Variants in DCAF4 observed in about 807,000 individuals in gnomAD.
DCAF4 encodes the protein DDB1 and CUL4 associated factor 4.
Under a neutral mutation model 60.9 loss-of-function variants are expected in DCAF4, and 37 were observed. That is an observed-to-expected ratio of 0.61 (90% CI 0.47 to 0.80). DCAF4 has a LOEUF of 0.80. Among genes scored for constraint, DCAF4 ranks in the 30% least tolerant of loss-of-function variants. DCAF4 has a pLI of 0.00. For synonymous variants in DCAF4, 243 were observed against 254.8 expected (o/e 0.95, Z 0.44); for missense variants, 577 against 650.0 (o/e 0.89, Z 1.22).
In DCAF4 at chr14:72,959,022, A is replaced by ATAAAAGGTACCTCTTTCCTTTTCT; in HGVS notation, c.*220_*243dup. 8.1e-7 allele frequency: 1 copy of ATAAAAGGTACCTCTTTCCTTTTCT among 1,240,468 alleles called. No individual in the cohort carries two copies. Among genetic ancestry groups the ATAAAAGGTACCTCTTTCCTTTTCT allele is most frequent in the Non-Finnish European group, 1.0e-6 (1 of 992,294 alleles). The allele number at this position is 1,240,468 out of a possible 1,614,324, so 76.8% of individuals were successfully genotyped here. On this transcript the variant is annotated 3_prime_UTR_variant, in exon 14 of 14. Transcript: ENST00000358377. ...CTGAGAGAGCTTGGAAGTCCTTTTC[A>ATAAAAGGTACCTCTTTCCTTTTCT]TAAAAGGTACCTCTTTCCTTTTCTT...
At chr14:72,929,567 C>T (rs746826984) in intron 1 of DCAF4, 30 of 855,712 alleles carry the variant, frequency 3.5e-5, no homozygotes, top group Non-Finnish European at 5.4e-5. Context: ...TTTTATTTTT[C>T]CGTCAAGCTG....
At chr14:72,949,892 GGA>G (rs1891201924) in intron 8 of DCAF4, among the ~76,000 whole-genome samples, 1 of 152,344 alleles carries the variant, frequency 6.6e-6, no homozygotes, top group Non-Finnish European at 1.5e-5. Context: ...GCAGTTGCAA[GGA>G]GATAGAGACA....
Position 72,943,047 on chromosome 14 carries a change from G to A in DCAF4, c.485G>A (p.Arg162Gln), listed in dbSNP as rs200407119. 1.5e-4 allele frequency: 245 copies of A among 1,614,060 alleles called. No individual in the cohort carries two copies. The highest frequency in any genetic ancestry group is 1.9e-4 in the Non-Finnish European group (228 of 1,180,032). Reference sequence around the variant, plus strand: ...ATGGAGAGGAAAAAGGTCCAGATTCGAAGCATGGATCCCTCCGCCTTGGCA... The same window carrying A: ...ATGGAGAGGAAAAAGGTCCAGATTCAAAGCATGGATCCCTCCGCCTTGGCA... ...SCMERKKVQI[R>Q]SMDPSALASD... Residue 162 changes from arginine (R) to glutamine (Q), a missense_variant, in exon 6 of 14, where the codon CGA (arginine) becomes CAA (glutamine). By Grantham distance (43) the Arg-to-Gln change is conservative. Coordinates refer to ENST00000358377, the MANE Select transcript of DCAF4 (RefSeq NM_015604.4).
intron 9 of DCAF4, among the ~76,000 whole-genome samples, chr14:72,952,654 C>T (rs1386213664): frequency 6.6e-6 from 1 of 151,142 alleles, no homozygotes; most frequent in Non-Finnish European, 1.5e-5. Flanking sequence ...GTGAGGGAGG[C>T]CTCTGGGGTA....
intron 1 of DCAF4, among the ~76,000 whole-genome samples, chr14:72,935,443 C>T (rs11627982): frequency 0.19 from 29,170 of 152,140 alleles, 3,619 homozygotes; most frequent in East Asian, 0.43. Flanking sequence ...TTAGTAGAGA[C>T]GGGGTTTCAC....
intron 13 of DCAF4, 82 bp downstream of exon 13, chr14:72,956,582 G>GA: frequency 7.3e-7 from 1 of 1,371,174 alleles, no homozygotes; most frequent in Non-Finnish European, 1.0e-6. Flanking sequence ...GCAGCAGAGG[G>GA]AAAAGTTACC....
chr14:72,952,972 T>A (rs7141910), intron 9 of DCAF4, among the ~76,000 whole-genome samples: 1 of 134,536 alleles, frequency 7.4e-6, no homozygotes, highest in East Asian at 2.2e-4. Flanking sequence ...GGATTACAGG[T>A]GTGAGCCACA....
intron 6 of DCAF4, among the ~76,000 whole-genome samples, chr14:72,944,298 G>A (rs903407365): frequency 1.3e-5 from 2 of 152,204 alleles, no homozygotes; most frequent in Non-Finnish European, 2.9e-5. Flanking sequence ...TCAGATCTGA[G>A]TCTAGTCTCA....
At chr14:72,953,732 A>AAAAAAAAAAATATATAT (rs1555527852) in intron 9 of DCAF4, among the ~76,000 whole-genome samples, 1 of 21,776 alleles carries the variant, frequency 4.6e-5, no homozygotes, top group Middle Eastern at 0.017. Context: ...AAAAAAAAAA[A>AAAAAAAAAAATATATAT]ATATATATAT....
At chr14:72,929,444 G>A (rs909905091) in intron 1 of DCAF4, among the ~76,000 whole-genome samples, 5 of 152,246 alleles carry the variant, frequency 3.3e-5, no homozygotes, top group Admixed American at 3.3e-4. Context: ...GCTCACGCCT[G>A]TCATCCCAAC....
intron 1 of DCAF4, among the ~76,000 whole-genome samples, chr14:72,937,324 A>G (rs1460228041): frequency 6.6e-6 from 1 of 152,108 alleles, no homozygotes; most frequent in Non-Finnish European, 1.5e-5. Context: ...TGTCCAAGAC[A>G]AGGAAGAAGA....
At chr14:72,947,064 G>T in intron 7 of DCAF4, 78 bp from the exon 8 acceptor site, 2 of 1,582,338 alleles carry the variant, frequency 1.3e-6, no homozygotes, top group Non-Finnish European at 1.7e-6. Flanking sequence ...TCACACGTCT[G>T]TGTCCCCACA....
At chr14:72,929,116 G>A (rs1251863989) in intron 1 of DCAF4, among the ~76,000 whole-genome samples, 1 of 151,212 alleles carries the variant, frequency 6.6e-6, no homozygotes, top group Non-Finnish European at 1.5e-5. Context: ...AGCGCACCCC[G>A]CCCCCCACCC....
At position 72,954,431 on chromosome 14, in the gene DCAF4, G is replaced by A. The variant is rs370247731; in HGVS notation, c.953G>A (p.Arg318Gln). ...TTGACCAACGTGGTGACGGGACACC[G>A]GCAGTCCTTTGGGACCAACAGTGAT... ...VLLTNVVTGH[R>Q]QSFGTNSDVL... The change falls in exon 11 of 14, where the codon CGG becomes CAG. Residue 318 changes from arginine (R) to glutamine (Q), a missense_variant. Transcript: ENST00000358377. The A allele has an allele frequency of 1.9e-4, 309 of 1,614,066 alleles. No homozygotes were observed. Among genetic ancestry groups the A allele is most frequent in the Non-Finnish European group, 2.4e-4 (284 of 1,180,040 alleles).
intron 7 of DCAF4, 24 bp from the exon 8 acceptor site, chr14:72,947,118 T>A (rs1447711231): frequency 1.2e-6 from 2 of 1,614,044 alleles, no homozygotes; most frequent in Non-Finnish European, 1.7e-6. Flanking sequence ...TAACTTTCCA[T>A]CTCGCTGTGT....
intron 7 of DCAF4, among the ~76,000 whole-genome samples, chr14:72,946,716 A>G (rs1344043568): frequency 6.6e-6 from 1 of 152,080 alleles, no homozygotes; most frequent in African/African-American, 2.4e-5. Flanking sequence ...AAATAAGAGG[A>G]GCTTGCTGTC....
At chr14:72,947,078 T>C (rs1890831438) in intron 7 of DCAF4, 64 bp from the exon 8 acceptor site, 3 of 1,602,658 alleles carry the variant, frequency 1.9e-6, no homozygotes, top group African/African-American at 1.3e-5. Flanking sequence ...CCCCACATGT[T>C]ATTCCACAGG....
intron 1 of DCAF4, chr14:72,929,719 T>TG (rs1175374795): frequency 3.5e-5 from 42 of 1,206,406 alleles, no homozygotes; most frequent in Admixed American, 1.0e-4. Context: ...TTGATGAACT[T>TG]GAGGGCCCAT....
chr14:72,938,563 T>A (rs1443184502), intron 2 of DCAF4, among the ~76,000 whole-genome samples: 1 of 152,088 alleles, frequency 6.6e-6, no homozygotes, highest in Non-Finnish European at 1.5e-5. Context: ...TCATAGCACA[T>A]ACGTAACACA....
Sources: allele counts gnomAD v4.1 joint callset (sites outside exome capture counted in the v4.1 genomes callset), GRCh38; gene constraint gnomAD v4.1.1; transcripts MANE v1.5; gene names NCBI Gene and HGNC (gene_info 2026-07-23, HGNC 2026-07-21).